ENY2: variants seen among roughly 807,000 people sequenced by gnomAD.
The protein encoded by ENY2 is transcription and mRNA export factor ENY2.
ENY2 carries 4 observed loss-of-function variants against 15.9 expected under a neutral mutation model. That is an observed-to-expected ratio of 0.25 (90% CI 0.12 to 0.57). The LOEUF is 0.57. Ranked by LOEUF, ENY2 falls within the 20% of genes least tolerant of loss-of-function variation. The pLI is 0.91. For synonymous variants in ENY2, 48 were observed against 38.0 expected, an observed-to-expected ratio of 1.26 and a Z score of -0.97; for missense variants, 54 against 117.2, an observed-to-expected ratio of 0.46 and a Z score of 2.49.
rs573742634 is a variant in ENY2, at chr8:109,337,236, C to T, written c.83+1032C>T. ...AAAACTCCAAAAATTGGAAGGAGACCTTAGAATTTTAATAAAATGTAGAAA... is the reference window on the plus strand; with the variant it reads ...AAAACTCCAAAAATTGGAAGGAGACTTTAGAATTTTAATAAAATGTAGAAA... On this transcript the variant is annotated intron_variant, in intron 2 of 4. Transcript: ENST00000521688. Among the ~76,000 whole-genome samples, 645 of 151,970 alleles carry T rather than the reference C, an allele frequency of 4.2e-3. 3 individuals carry two copies. Among genetic ancestry groups the T allele is most frequent in the African/African-American group, 0.015 (609 of 41,424 alleles).
intron 2 of ENY2, chr8:109,336,450 A>C (rs751164843): frequency 2.0e-4 from 78 of 394,862 alleles, no homozygotes; most frequent in Admixed American, 5.0e-4. Context: ...GAGAAGAAAA[A>C]GTACATACCT....
At chr8:109,334,616 T>G in intron 1 of ENY2, 142 bp downstream of exon 1, 2 of 969,130 alleles carry the variant, frequency 2.1e-6, no homozygotes, top group Non-Finnish European at 2.9e-6. Flanking sequence ...GGAGTTGGCC[T>G]GAAACCAGTC....
In ENY2 at chr8:109,339,349, T is replaced by G; in HGVS notation, c.113T>G (p.Ile38Ser). 6.2e-7 allele frequency: 1 copy of G among 1,613,984 alleles called. No individual in the cohort carries two copies. The highest frequency in any genetic ancestry group is 8.5e-7 in the Non-Finnish European group (1 of 1,179,910). Reference protein sequence around the residue: ...RLKELLRAKLIECGWKDQLKA... With the variant: ...RLKELLRAKLSECGWKDQLKA... ...AAAGAGTTGCTGAGAGCTAAATTAA[T>G]TGAATGTGGCTGGAAGGATCAGTTG... The change falls in exon 3 of 5, where the codon ATT (isoleucine) becomes AGT (serine). Residue 38 changes from isoleucine to serine, a missense_variant. Coordinates refer to ENST00000521688, the MANE Select transcript of ENY2 (RefSeq NM_020189.6).
intron 4 of ENY2, chr8:109,340,893 C>T (rs966288858): frequency 5.1e-6 from 1 of 194,660 alleles, no homozygotes; most frequent in Non-Finnish European, 1.1e-5. Flanking sequence ...GGCATGACTC[C>T]ACTTAAATAT....
Position 109,344,161 on chromosome 8 carries a change from A to C in ENY2, c.*680A>C, listed in dbSNP as rs1029454783. 2 of 152,210 alleles carry C rather than the reference A, an allele frequency of 1.3e-5. No individual in the cohort carries two copies. Among genetic ancestry groups the C allele is most frequent in the African/African-American group, 4.8e-5 (2 of 41,438 alleles). 9.4% of individuals were successfully genotyped at this position (152,210 alleles called of 1,614,324 possible). On this transcript the variant is annotated 3_prime_UTR_variant, in exon 5 of 5. Coordinates refer to ENST00000521688, the MANE Select transcript of ENY2 (RefSeq NM_020189.6). ...CTTTACCCTGACATCAGGATTGCCA[A>C]ATCCAATGGACTCTTGTCTATTCTT... is the stretch of plus-strand genomic sequence containing the variant.
Position 109,343,396 on chromosome 8 carries a change from GT to G in ENY2, c.230-4del. The G allele has an allele frequency of 6.3e-7, 1 of 1,590,624 alleles. No homozygotes were observed. The highest frequency in any genetic ancestry group is 8.5e-7 in the Non-Finnish European group (1 of 1,172,162). ...TTCTTACTCTTATTTTTTTATTTTTGTTTTTCAGCCCTGGTACCTGACAGTG... is the reference window on the plus strand; with the variant it reads ...TTCTTACTCTTATTTTTTTATTTTTGTTTTCAGCCCTGGTACCTGACAGTG... On this transcript the variant is annotated splice_polypyrimidine_tract_variant and splice_region_variant and intron_variant, in intron 4 of 4. Coordinates refer to ENST00000521688, the MANE Select transcript of ENY2 (RefSeq NM_020189.6).
intron 4 of ENY2, chr8:109,342,731 C>T (rs908940827): frequency 1.6e-5 from 11 of 697,264 alleles, no homozygotes; most frequent in Non-Finnish European, 2.9e-5. Flanking sequence ...CTTGAGCTCC[C>T]GGACTCAGGC....
intron 4 of ENY2, chr8:109,342,589 C>A: frequency 3.2e-6 from 2 of 619,410 alleles, no homozygotes; most frequent in Non-Finnish European, 5.8e-6. Context: ...GGCTCACTAG[C>A]CCGGATCTCC....
rs199896797 is a variant in ENY2, at chr8:109,336,114, A to G, written c.7-14A>G. On this transcript the variant is annotated splice_polypyrimidine_tract_variant and intron_variant, in intron 1 of 4. Transcript: ENST00000521688. ...GTAAATGTTCTATATCTGAAAGTAC[A>G]TGTTGATGTCCAGGTTAGCAAGATG... 1,112 of 1,612,428 alleles carry G rather than the reference A, an allele frequency of 6.9e-4. No individual in the cohort carries two copies. Among genetic ancestry groups the G allele is most frequent in the Non-Finnish European group, 8.6e-4 (1,015 of 1,178,922 alleles).
At chr8:109,342,047 G>A (rs1435222225) in intron 4 of ENY2, among the ~76,000 whole-genome samples, 3 of 152,028 alleles carry the variant, frequency 2.0e-5, no homozygotes, top group African/African-American at 7.2e-5. Context: ...TTGTAAAGAA[G>A]AATATCTGGC....
Position 109,337,523 on chromosome 8 carries a change from A to G in ENY2, c.83+1319A>G, listed in dbSNP as rs1816012260. 2.0e-5 allele frequency among the ~76,000 whole-genome samples: 3 copies of G among 152,224 alleles called. No individual in the cohort carries two copies. The East Asian group carries it at 5.8e-4, about 29-fold the overall frequency. On this transcript the variant is annotated intron_variant, in intron 2 of 4. Transcript: ENST00000521688. ...TGGGAGGAGACAGATAAAACTGTGT[A>G]ATAATGTCAGATGGTGATGAGCACT...
At chr8:109,339,548 C>A in intron 3 of ENY2, 158 bp downstream of exon 3, 1 of 548,020 alleles carries the variant, frequency 1.8e-6, no homozygotes, top group South Asian at 3.3e-5. Context: ...CATATGTAGA[C>A]CTAATTCCCA....
intron 4 of ENY2, 65 bp downstream of exon 4, chr8:109,340,628 T>A: frequency 6.3e-7 from 1 of 1,586,538 alleles, no homozygotes; most frequent in Non-Finnish European, 8.6e-7. Flanking sequence ...AATCTCTTGC[T>A]GGTTCAGATT....
chr8:109,343,293 G>T lies in ENY2; in HGVS notation c.230-112G>T, dbSNP rs1349351060. ...TTACCTTTTTTTTAATTGAACATGA[G>T]GGTTATTTATGAAATTCTTATGTTG... is the stretch of plus-strand genomic sequence containing the variant. On this transcript the variant is annotated intron_variant, in intron 4 of 4. Transcript: ENST00000521688. The T allele has an allele frequency of 5.5e-6, 4 of 732,002 alleles. 1 individual carries two copies. The South Asian group carries it at 7.1e-5, about 13-fold the overall frequency. 45.3% of individuals were successfully genotyped at this position (732,002 alleles called of 1,614,324 possible).
At chr8:109,339,192 T>C (rs1816062759) in intron 2 of ENY2, 128 bp from the exon 3 acceptor site, 4 of 724,628 alleles carry the variant, frequency 5.5e-6, no homozygotes, top group Non-Finnish European at 9.3e-6. Flanking sequence ...GAACCAAGAT[T>C]AGGCCACAGT....
intron 4 of ENY2, 100 bp downstream of exon 4, chr8:109,340,663 A>G (rs1297414026): frequency 6.7e-6 from 10 of 1,481,754 alleles, no homozygotes; most frequent in African/African-American, 4.3e-5. Context: ...AAGGAAAAGC[A>G]CTACCTGTGT....
intron 4 of ENY2, 62 bp from the exon 5 acceptor site, chr8:109,343,343 C>A: frequency 7.5e-7 from 1 of 1,325,424 alleles, no homozygotes; most frequent in Non-Finnish European, 1.1e-6. Flanking sequence ...AATGTCAGAT[C>A]TTAAATTCTC....
At chr8:109,339,447 TG>T (rs1816068373) in intron 3 of ENY2, 57 bp downstream of exon 3, 1 of 1,477,558 alleles carries the variant, frequency 6.8e-7, no homozygotes, top group Non-Finnish European at 9.4e-7. Flanking sequence ...AGGATTGGTT[TG>T]GGGGTTGCTT....
Position 109,334,371 on chromosome 8 carries a change from G to A in ENY2, c.-98G>A. 1 of 1,565,408 alleles carries A rather than the reference G, an allele frequency of 6.4e-7. No homozygotes were observed. The highest frequency in any genetic ancestry group is 8.8e-7 in the Non-Finnish European group (1 of 1,141,702). On this transcript the variant is annotated 5_prime_UTR_variant, in exon 1 of 5. Coordinates refer to ENST00000521688, the MANE Select transcript of ENY2 (RefSeq NM_020189.6). ...TGTGTGCTTAGGTGCCCGAGCTACT[G>A]AGGGTCTAAGTCCGGGCAGCCGAAG...
Sources: allele counts gnomAD v4.1 joint callset (sites outside exome capture counted in the v4.1 genomes callset), GRCh38; gene constraint gnomAD v4.1.1; transcripts MANE v1.5; gene names NCBI Gene and HGNC (gene_info 2026-07-23, HGNC 2026-07-21).